Variants in ARHGAP6 observed in about 807,000 individuals in gnomAD.
ARHGAP6 encodes Rho GTPase activating protein 6, also known as rho GTPase-activating protein 6.
A neutral mutation model predicts 55.7 loss-of-function variants in ARHGAP6; 16 were observed. The observed-to-expected ratio is 0.29, with a 90% CI of 0.19 to 0.44. ARHGAP6 has a LOEUF of 0.44. ARHGAP6 is among the 20% of genes least tolerant of loss of function. The pLI is 1.00. For synonymous variants in ARHGAP6, 382 were observed against 360.9 expected, an observed-to-expected ratio of 1.06 and a Z score of -0.66; for missense variants, 698 against 808.9, an observed-to-expected ratio of 0.86 and a Z score of 1.66.
Position 11,225,616 on chromosome X carries a change from G to A in ARHGAP6, c.749-28620C>T, listed in dbSNP as rs192719349. On this transcript the variant is annotated intron_variant, in intron 2 of 12. Transcript: ENST00000337414. ...TAAAGCTAATGCAGAATTATGTTTTGTAAGTATTAAAATTTATCCGATTTT... is the reference window on the plus strand; with the variant it reads ...TAAAGCTAATGCAGAATTATGTTTTATAAGTATTAAAATTTATCCGATTTT... 219 of 351,213 alleles carry A rather than the reference G, an allele frequency of 6.2e-4. No homozygotes were observed. In the Middle Eastern group the frequency reaches 7.2e-3, roughly 12 times the overall value. The allele number at this position is 351,213 out of a possible 1,213,427, so 28.9% of individuals were successfully genotyped here.
chrX:11,637,826 G>T (rs1321489324), intron 1 of ARHGAP6, among the ~76,000 whole-genome samples: 1 of 109,730 alleles, frequency 9.1e-6, no homozygotes, highest in Non-Finnish European at 1.9e-5. Context: ...CAATTAAAAT[G>T]ATTCTTTTGG....
intron 1 of ARHGAP6, among the ~76,000 whole-genome samples, chrX:11,292,665 A>G (rs779655130): frequency 2.7e-5 from 3 of 112,108 alleles, no homozygotes; most frequent in South Asian, 7.5e-4. Context: ...GTTTGCTTGT[A>G]AAAAACAAAA....
intron 1 of ARHGAP6, among the ~76,000 whole-genome samples, chrX:11,577,699 A>G (rs1206017524): frequency 9.0e-6 from 1 of 111,704 alleles, no homozygotes; most frequent in Non-Finnish European, 1.9e-5. Context: ...AGAGGCCCAG[A>G]ATGGTGGTGT....
At chrX:11,472,627 A>T (rs2050359423) in intron 1 of ARHGAP6, among the ~76,000 whole-genome samples, 1 of 112,065 alleles carries the variant, frequency 8.9e-6, no homozygotes, top group South Asian at 3.7e-4. Flanking sequence ...CTTAGGGTTT[A>T]TGCTTGAAAA....
intron 1 of ARHGAP6, among the ~76,000 whole-genome samples, chrX:11,417,589 C>G (rs2147773670): frequency 9.0e-6 from 1 of 111,338 alleles, no homozygotes. Flanking sequence ...AAGATGCTAC[C>G]ATTGAGAGAA....
chrX:11,203,333 A>G (rs1452215737), intron 2 of ARHGAP6, among the ~76,000 whole-genome samples: 30 of 112,074 alleles, frequency 2.7e-4, no homozygotes, highest in Admixed American at 2.3e-3. Context: ...ACAGGGTTGA[A>G]TTGTTTGAAA....
At chrX:11,485,716 G>C (rs2050504604) in intron 1 of ARHGAP6, among the ~76,000 whole-genome samples, 2 of 112,083 alleles carry the variant, frequency 1.8e-5, no homozygotes, top group African/African-American at 6.5e-5. Context: ...ACTTGGGGCA[G>C]GATTGGGGTG....
At chrX:11,365,757 T>C (rs2049068464) in intron 1 of ARHGAP6, among the ~76,000 whole-genome samples, 1 of 112,514 alleles carries the variant, frequency 8.9e-6, no homozygotes, top group African/African-American at 3.2e-5. Flanking sequence ...GCCTTACCAC[T>C]TGCATTGTGA....
intron 1 of ARHGAP6, among the ~76,000 whole-genome samples, chrX:11,458,290 C>T (rs1356226739): frequency 8.9e-6 from 1 of 112,304 alleles, no homozygotes; most frequent in East Asian, 2.8e-4. Flanking sequence ...GGAATGAGCT[C>T]ATCCTTCAAA....
intron 1 of ARHGAP6, among the ~76,000 whole-genome samples, chrX:11,597,874 C>A (rs2051920489): frequency 1.8e-5 from 2 of 112,108 alleles, no homozygotes; most frequent in South Asian, 3.7e-4. Flanking sequence ...GAAGTGAATT[C>A]AGAGTTTAGA....
intron 1 of ARHGAP6, among the ~76,000 whole-genome samples, chrX:11,520,138 TA>T (rs2050900082): frequency 2.2e-5 from 1 of 44,599 alleles, no homozygotes; most frequent in African/African-American, 1.1e-4. Context: ...ATTTTATATA[TA>T]TATATATATA....
At chrX:11,614,557 C>T (rs1341565722) in intron 1 of ARHGAP6, among the ~76,000 whole-genome samples, 3 of 111,914 alleles carry the variant, frequency 2.7e-5, no homozygotes, top group Admixed American at 9.5e-5. Context: ...ATGATCCAAT[C>T]GCTTTCCACC....
chrX:11,484,352 A>G (rs1049515821), intron 1 of ARHGAP6, among the ~76,000 whole-genome samples: 1 of 108,974 alleles, frequency 9.2e-6, no homozygotes, highest in Non-Finnish European at 1.9e-5. Flanking sequence ...TAGGAGGAGG[A>G]GGAGGAAGAA....
chrX:11,174,635 C>CTTTCTCTTTCTTTTCT (rs2046169000), intron 8 of ARHGAP6, among the ~76,000 whole-genome samples: 1 of 45,911 alleles, frequency 2.2e-5, no homozygotes, highest in Non-Finnish European at 3.8e-5. Context: ...TTCTTTCTTT[C>CTTTCTCTTTCTTTTCT]TTTCTTTCTT....
At chrX:11,237,253 G>T (rs2047215792) in intron 2 of ARHGAP6, among the ~76,000 whole-genome samples, 1 of 112,350 alleles carries the variant, frequency 8.9e-6, no homozygotes, top group Non-Finnish European at 1.9e-5. Context: ...AATGTCTGCT[G>T]GGGACAAAGA....
intron 1 of ARHGAP6, among the ~76,000 whole-genome samples, chrX:11,326,591 G>A (rs1302344592): frequency 8.9e-6 from 1 of 111,884 alleles, no homozygotes; most frequent in Non-Finnish European, 1.9e-5. Flanking sequence ...CACTTGACAT[G>A]CTAAGAAAAA....
intron 1 of ARHGAP6, among the ~76,000 whole-genome samples, chrX:11,613,302 G>A (rs1189709393): frequency 8.9e-6 from 1 of 112,511 alleles, no homozygotes; most frequent in Non-Finnish European, 1.9e-5. Flanking sequence ...CTGAGGATAG[G>A]CTACCTTTTG....
rs780919335 is a variant in ARHGAP6 at position 11,581,444 on chromosome X, T to C, written c.588+82797A>G. 3.6e-5 allele frequency among the ~76,000 whole-genome samples: 4 copies of C among 111,252 alleles called. No individual in the cohort carries two copies. The South Asian group carries it at 1.5e-3, about 42-fold the overall frequency. ...TACTTAAGAAAAATAAAAACATACATCCATACAAAAATGTGTACATGAATG... is the reference window on the plus strand; with the variant it reads ...TACTTAAGAAAAATAAAAACATACACCCATACAAAAATGTGTACATGAATG... On this transcript the variant is annotated intron_variant, in intron 1 of 12. Coordinates refer to ENST00000337414, the MANE Select transcript of ARHGAP6 (RefSeq NM_013427.3).
At position 11,251,178 on chromosome X, in the gene ARHGAP6, A is replaced by G. The variant is rs766355033; in HGVS notation, c.748+3370T>C. Among the ~76,000 whole-genome samples the G allele has an allele frequency of 2.7e-5, 3 of 111,368 alleles. No individual in the cohort carries two copies. In the South Asian group the frequency reaches 1.2e-3, roughly 43 times the overall value. On this transcript the variant is annotated intron_variant, in intron 2 of 12. Transcript: ENST00000337414. Reference sequence around the variant, plus strand: ...TCCTCTCCTCTTTCCTCAAACCTCCAGGACCTCTTCGCCATCCTCACGCCT... The same window carrying G: ...TCCTCTCCTCTTTCCTCAAACCTCCGGGACCTCTTCGCCATCCTCACGCCT...
Sources: allele counts gnomAD v4.1 joint callset (sites outside exome capture counted in the v4.1 genomes callset), GRCh38; gene constraint gnomAD v4.1.1; transcripts MANE v1.5; gene names NCBI Gene and HGNC (gene_info 2026-07-23, HGNC 2026-07-21).